The following VPS39 variants were observed in gnomAD, a reference collection of about 807,000 sequenced individuals.
VPS39 encodes the protein vam6/Vps39-like protein.
In VPS39, 70 loss-of-function variants were observed where a neutral mutation model predicts 121.0. That is an observed-to-expected ratio of 0.58 (90% confidence interval 0.48 to 0.71). VPS39 has a LOEUF of 0.71. Ranked by LOEUF, VPS39 falls within the 30% of genes least tolerant of loss-of-function variation. The probability of loss-of-function intolerance (pLI) is 0.00; values close to 1 mark genes in which losing one functional copy is unlikely to be tolerated. For synonymous variants in VPS39, 378 were observed against 398.1 expected (o/e 0.95, Z 0.60); for missense variants, 818 against 1,051.5 (o/e 0.78, Z 3.07).
chr15:42,184,640 C>T lies in VPS39; in HGVS notation c.595G>A (p.Val199Ile). The part of the protein sequence containing the change: ...FPTGKQLEPL[V>I]APLADGKVAV... The stretch of plus-strand genomic sequence containing the variant: ...ACTTTTCCATCTGCCAGAGGTGCAA[C>T]TAAGGGCTCCAGCTGTTTTCCTGTT... Residue 199 changes from valine (V) to isoleucine (I), a missense_variant, in exon 8 of 25, where the codon GTT (valine) becomes ATT (isoleucine). Transcript: ENST00000318006. 1 of 1,614,178 alleles carries T rather than the reference C, an allele frequency of 6.2e-7. No homozygotes were observed. Among genetic ancestry groups the T allele is most frequent in the Non-Finnish European group, 8.5e-7 (1 of 1,180,020 alleles).
intron 1 of VPS39, 68 bp from the exon 2 acceptor site, chr15:42,200,029 T>G (rs1162195713): frequency 1.4e-6 from 2 of 1,462,212 alleles, no homozygotes; most frequent in Non-Finnish European, 1.8e-6. Flanking sequence ...TCAATCAGCT[T>G]GAGTATAACC....
At chr15:42,189,292 T>C in intron 4 of VPS39, 84 bp from the exon 5 acceptor site, 1 of 1,057,554 alleles carries the variant, frequency 9.5e-7, no homozygotes, top group Non-Finnish European at 1.5e-6. Flanking sequence ...AGTAACTGTG[T>C]TAACATCTAG....
intron 8 of VPS39, among the ~76,000 whole-genome samples, chr15:42,183,099 G>GTTTT (rs1566901555): frequency 6.8e-6 from 1 of 146,740 alleles, no homozygotes; most frequent in Non-Finnish European, 1.5e-5. Flanking sequence ...AACATGATGT[G>GTTTT]TTTTTTGTTT....
At position 42,178,295 on chromosome 15, in the gene VPS39, G is replaced by GTC; in HGVS notation, c.881_882dup (p.Leu295AspfsTer29). The GTC allele has an allele frequency of 6.2e-7, 1 of 1,614,164 alleles. No homozygotes were observed. Among genetic ancestry groups the GTC allele is most frequent in the Non-Finnish European group, 8.5e-7 (1 of 1,180,038 alleles). ...TGGGTTGCCATGGGGACAGGGATGA[G>GTC]TCTCCAAACAAAATGATTGCTGGCC... is the stretch of plus-strand genomic sequence containing the variant. On this transcript the variant is annotated frameshift_variant, in exon 10 of 25. Coordinates refer to ENST00000318006, the MANE Select transcript of VPS39 (RefSeq NM_015289.5). LOFTEE classifies it high-confidence loss of function.
At chr15:42,180,007 C>T (rs1353501219) in intron 8 of VPS39, among the ~76,000 whole-genome samples, 1 of 152,148 alleles carries the variant, frequency 6.6e-6, no homozygotes, top group Non-Finnish European at 1.5e-5. Context: ...CCTTCTCCTT[C>T]CACCATGTGA....
chr15:42,178,386 T>C (rs1473587002), intron 9 of VPS39, 48 bp from the exon 10 acceptor site: 2 of 1,613,748 alleles, frequency 1.2e-6, no homozygotes, highest in Admixed American at 1.7e-5. Context: ...GGCTTTGTGA[T>C]GACACAGGTG....
At chr15:42,196,635 C>T (rs1194315484) in intron 2 of VPS39, among the ~76,000 whole-genome samples, 3 of 152,190 alleles carry the variant, frequency 2.0e-5, no homozygotes, top group Non-Finnish European at 4.4e-5. Context: ...TACCATCTCA[C>T]ACCAGTTAGA....
chr15:42,163,163 C>T (rs560950260), intron 21 of VPS39, among the ~76,000 whole-genome samples, 187 bp downstream of exon 21: 40 of 152,220 alleles, frequency 2.6e-4, no homozygotes, highest in African/African-American at 4.8e-4. Flanking sequence ...CAAAGATATA[C>T]GCCAGAACTA....
At chr15:42,188,558 T>G (rs1486653181) in intron 5 of VPS39, among the ~76,000 whole-genome samples, 1 of 152,220 alleles carries the variant, frequency 6.6e-6, no homozygotes, top group Non-Finnish European at 1.5e-5. Flanking sequence ...AGAGTTTTTG[T>G]CCTCGGTTAG....
At chr15:42,192,247 A>T in intron 2 of VPS39, 1 of 801,718 alleles carries the variant, frequency 1.2e-6, no homozygotes, top group Non-Finnish European at 2.0e-6. Context: ...AGCTATCATG[A>T]AGCAATAACT....
chr15:42,185,003 G>A (rs1156299746), intron 7 of VPS39, among the ~76,000 whole-genome samples: 3 of 152,110 alleles, frequency 2.0e-5, no homozygotes, highest in Non-Finnish European at 4.4e-5. Context: ...TTGTTTGTTG[G>A]TTTCTTACAA....
At chr15:42,180,654 A>G (rs2049563321) in intron 8 of VPS39, among the ~76,000 whole-genome samples, 1 of 152,226 alleles carries the variant, frequency 6.6e-6, no homozygotes, top group African/African-American at 2.4e-5. Context: ...AAATCTCAGA[A>G]CAAGACTGAA....
rs943419966 is a variant in VPS39, at chr15:42,178,273, G to A, written c.905C>T (p.Thr302Ile). Reference sequence around the variant, plus strand: ...GTCCTGGAGAAGTTGTTGGATTTGGGTTGCCATGGGGACAGGGATGAGTCT... The same window carrying A: ...GTCCTGGAGAAGTTGTTGGATTTGGATTGCCATGGGGACAGGGATGAGTCT... Reference protein sequence around the residue: ...VWRLIPVPMATQIQQLLQDKQ... With the variant: ...VWRLIPVPMAIQIQQLLQDKQ... Residue 302 changes from threonine (T) to isoleucine (I), a missense_variant, in exon 10 of 25, where the codon ACC becomes ATC. Transcript: ENST00000318006. 1 of 1,614,140 alleles carries A rather than the reference G, an allele frequency of 6.2e-7. No homozygotes were observed. The highest frequency in any genetic ancestry group is 8.5e-7 in the Non-Finnish European group (1 of 1,180,040).
At chr15:42,200,562 T>C (rs1246758740) in intron 1 of VPS39, among the ~76,000 whole-genome samples, 2 of 152,204 alleles carry the variant, frequency 1.3e-5, no homozygotes, top group Non-Finnish European at 2.9e-5. Context: ...ATAACAAGTG[T>C]TGATGAGAAT....
chr15:42,169,930 C>A, intron 11 of VPS39, 64 bp from the exon 12 acceptor site: 2 of 1,505,348 alleles, frequency 1.3e-6, no homozygotes, highest in Non-Finnish European at 1.8e-6. Flanking sequence ...TAAAATAAAA[C>A]AGGACTATTA....
At chr15:42,162,215 G>A (rs1485458954) in intron 22 of VPS39, 49 bp from the exon 23 acceptor site, 1 of 1,611,216 alleles carries the variant, frequency 6.2e-7, no homozygotes, top group Non-Finnish European at 8.5e-7. Context: ...ACAGGAGTGA[G>A]AATGAAGAAA....
At position 42,159,582 on chromosome 15, in the gene VPS39, CT is replaced by C. The variant is rs2049089952; in HGVS notation, c.*1171del. 1.3e-5 allele frequency: 2 copies of C among 152,570 alleles called. No individual in the cohort carries two copies. Among genetic ancestry groups the C allele is most frequent in the Non-Finnish European group, 2.9e-5 (2 of 68,208 alleles). The allele number at this position is 152,570 out of a possible 1,614,324, so 9.5% of individuals were successfully genotyped here. Reference sequence around the variant, plus strand: ...CTGCTGTTCTTGCCCCCCGCGTCCCCTCTGCTGTGCCTAAACACCTCTCAGG... The same window carrying C: ...CTGCTGTTCTTGCCCCCCGCGTCCCCCTGCTGTGCCTAAACACCTCTCAGG... On this transcript the variant is annotated 3_prime_UTR_variant, in exon 25 of 25. Coordinates refer to ENST00000318006, the MANE Select transcript of VPS39 (RefSeq NM_015289.5).
At position 42,162,023 on chromosome 15, in the gene VPS39, C is replaced by T. The variant is rs1566887724; in HGVS notation, c.2460+9G>A. ...AGCCCACCCTAGAGTTTGGAAGGCCCATACCTACCCTCAGGAATTCTGCAT... is the reference window on the plus strand; with the variant it reads ...AGCCCACCCTAGAGTTTGGAAGGCCTATACCTACCCTCAGGAATTCTGCAT... On this transcript the variant is annotated intron_variant, in intron 23 of 24. Coordinates refer to ENST00000318006, the MANE Select transcript of VPS39 (RefSeq NM_015289.5). The T allele has an allele frequency of 1.2e-6, 2 of 1,614,168 alleles. No individual in the cohort carries two copies. Among genetic ancestry groups the T allele is most frequent in the Non-Finnish European group, 1.7e-6 (2 of 1,180,016 alleles).
At chr15:42,185,182 T>TC (rs2049674979) in intron 7 of VPS39, among the ~76,000 whole-genome samples, 1 of 151,040 alleles carries the variant, frequency 6.6e-6, no homozygotes, top group Non-Finnish European at 1.5e-5. Flanking sequence ...AAACAACTTT[T>TC]TTTTTTTTTT....
Sources: gnomAD v4.1 joint callset for allele counts (sites outside exome capture counted in the v4.1 genomes callset) on GRCh38, gnomAD v4.1.1 for gene constraint, MANE v1.5 for transcripts, NCBI Gene and HGNC (gene_info 2026-07-23, HGNC 2026-07-21) for gene names.